EDIL3: variants seen among roughly 807,000 people sequenced by gnomAD.
EDIL3 encodes EGF-like repeat and discoidin I-like domain-containing protein 3.
In EDIL3, 37 loss-of-function variants were observed where a neutral mutation model predicts 67.4. The ratio of observed to expected loss-of-function variants is 0.55; its 90% confidence interval spans 0.42 to 0.72. The LOEUF is 0.72. Ranked by LOEUF, EDIL3 falls within the 30% of genes least tolerant of loss-of-function variation. The pLI is 0.00. For synonymous variants in EDIL3, 195 were observed against 196.3 expected, an observed-to-expected ratio of 0.99 and a Z score of 0.05; for missense variants, 527 against 586.3, an observed-to-expected ratio of 0.90 and a Z score of 1.04.
chr5:84,207,842 A>T (rs1744018121), intron 3 of EDIL3, among the ~76,000 whole-genome samples: 2 of 151,608 alleles, frequency 1.3e-5, no homozygotes, highest in African/African-American at 4.8e-5. Flanking sequence ...CTGGCTAGCC[A>T]TATGTAGAAA....
chr5:84,365,571 T>C (rs1747711845), intron 1 of EDIL3, among the ~76,000 whole-genome samples: 2 of 152,122 alleles, frequency 1.3e-5, no homozygotes, highest in Non-Finnish European at 2.9e-5. Context: ...GACCACCTGA[T>C]GACTTAGGAG....
chr5:84,041,885 T>C (rs1283783470), intron 9 of EDIL3, among the ~76,000 whole-genome samples: 2 of 151,968 alleles, frequency 1.3e-5, no homozygotes, highest in Non-Finnish European at 2.9e-5. Flanking sequence ...ACAGTGCTTT[T>C]TCATGAAATA....
At chr5:84,285,489 C>T (rs116139255) in intron 1 of EDIL3, among the ~76,000 whole-genome samples, 2 of 152,256 alleles carry the variant, frequency 1.3e-5, no homozygotes, top group Non-Finnish European at 2.9e-5. Flanking sequence ...ATGCGTAGCA[C>T]GGTGTCTGGC....
chr5:84,270,111 T>C (rs1745432921), intron 1 of EDIL3, among the ~76,000 whole-genome samples: 1 of 152,242 alleles, frequency 6.6e-6, no homozygotes, highest in Admixed American at 6.5e-5. Flanking sequence ...TATTCTTCAT[T>C]GTGTTTATCT....
At chr5:84,025,685 A>C (rs984033679) in intron 9 of EDIL3, among the ~76,000 whole-genome samples, 1 of 152,194 alleles carries the variant, frequency 6.6e-6, no homozygotes, top group Non-Finnish European at 1.5e-5. Flanking sequence ...CATGCTACTG[A>C]AGTCATGCAC....
At chr5:84,025,453 G>A (rs1745794391) in intron 9 of EDIL3, among the ~76,000 whole-genome samples, 2 of 152,124 alleles carry the variant, frequency 1.3e-5, no homozygotes, top group South Asian at 4.2e-4. Context: ...CAAGCTCAGG[G>A]CTCCCACTGA....
chr5:84,380,543 C>A (rs1473598335), intron 1 of EDIL3, among the ~76,000 whole-genome samples: 1 of 152,198 alleles, frequency 6.6e-6, no homozygotes, highest in East Asian at 1.9e-4. Flanking sequence ...GAACCTATTA[C>A]ATCCTAATCT....
At chr5:83,947,106 C>G (rs978344123) in intron 10 of EDIL3, among the ~76,000 whole-genome samples, 1 of 151,776 alleles carries the variant, frequency 6.6e-6, no homozygotes, top group Non-Finnish European at 1.5e-5. Flanking sequence ...TTGTTGCCCC[C>G]TTATAGATTT....
At chr5:84,120,338 G>A (rs1010128016) in intron 5 of EDIL3, among the ~76,000 whole-genome samples, 1 of 151,876 alleles carries the variant, frequency 6.6e-6, no homozygotes, top group Non-Finnish European at 1.5e-5. Context: ...TAATATATTT[G>A]CATCTTCCTT....
intron 4 of EDIL3, among the ~76,000 whole-genome samples, chr5:84,162,411 C>G (rs1422566945): frequency 6.6e-6 from 1 of 152,088 alleles, no homozygotes; most frequent in Admixed American, 6.6e-5. Context: ...ATCCTCCATT[C>G]TCTAGTTTCT....
In EDIL3 at chr5:84,117,020, ATTTTTTTTTT is replaced by A. The variant is rs34997139; in HGVS notation, c.470-10200_470-10191del. Among the ~76,000 whole-genome samples the A allele has an allele frequency of 2.4e-5, 2 of 83,236 alleles. 1 individual carries two copies. Among genetic ancestry groups the A allele is most frequent in the African/African-American group, 9.3e-5 (2 of 21,436 alleles). The allele number at this position is 83,236 out of a possible 152,430, so 54.6% of individuals were successfully genotyped here. A position where few individuals can be genotyped will look rare whatever the true frequency, so the allele number is the denominator to read the frequency against. Reference sequence around the variant, plus strand: ...TATGTAGTATCCAAGTTAAGTACTTATTTTTTTTTTTTTTTTTTTTTTTTTGAGACGGAGT... The same window carrying A: ...TATGTAGTATCCAAGTTAAGTACTTATTTTTTTTTTTTTTTGAGACGGAGT... On this transcript the variant is annotated intron_variant, in intron 5 of 10. Coordinates refer to ENST00000296591, the MANE Select transcript of EDIL3 (RefSeq NM_005711.5).
chr5:84,303,165 C>G (rs1460626253), intron 1 of EDIL3, among the ~76,000 whole-genome samples: 1 of 152,190 alleles, frequency 6.6e-6, no homozygotes, highest in African/African-American at 2.4e-5. Context: ...TCTCTGCTTT[C>G]TTTCTTAGCT....
At chr5:84,271,741 A>G (rs1366492034) in intron 1 of EDIL3, among the ~76,000 whole-genome samples, 1 of 152,206 alleles carries the variant, frequency 6.6e-6, no homozygotes, top group Admixed American at 6.5e-5. Context: ...GCTACAATCC[A>G]ATACCATTAG....
At chr5:84,217,665 A>G (rs549737177) in intron 3 of EDIL3, among the ~76,000 whole-genome samples, 105 of 151,612 alleles carry the variant, frequency 6.9e-4, no homozygotes, top group Non-Finnish European at 1.2e-3. Flanking sequence ...ACTCAAAATC[A>G]CATAAGCCAA....
At chr5:84,345,753 A>G (rs1175797723) in intron 1 of EDIL3, among the ~76,000 whole-genome samples, 1 of 152,220 alleles carries the variant, frequency 6.6e-6, no homozygotes, top group African/African-American at 2.4e-5. Flanking sequence ...TAGAAAATTA[A>G]CCAAGCATTT....
chr5:84,147,552 A>G (rs1748310826), intron 4 of EDIL3, among the ~76,000 whole-genome samples: 1 of 152,164 alleles, frequency 6.6e-6, no homozygotes, highest in Non-Finnish European at 1.5e-5. Context: ...TACAAACTAT[A>G]TGAAACTTGC....
intron 4 of EDIL3, among the ~76,000 whole-genome samples, chr5:84,166,674 G>A (rs370567626): frequency 6.6e-6 from 1 of 152,214 alleles, no homozygotes; most frequent in African/African-American, 2.4e-5. Flanking sequence ...AGAAAATAAA[G>A]ATGAGTAAAA....
intron 9 of EDIL3, among the ~76,000 whole-genome samples, chr5:83,965,659 G>C (rs1744677910): frequency 6.6e-6 from 1 of 152,014 alleles, no homozygotes; most frequent in African/African-American, 2.4e-5. Flanking sequence ...TTAAAAGTCA[G>C]CTGGGTTTCC....
At chr5:84,302,707 TG>T (rs1398435085) in intron 1 of EDIL3, among the ~76,000 whole-genome samples, 1 of 152,218 alleles carries the variant, frequency 6.6e-6, no homozygotes, top group African/African-American at 2.4e-5. Flanking sequence ...AAGTACTTCC[TG>T]TATTATCTAT....
Sources: allele counts gnomAD v4.1 joint callset (sites outside exome capture counted in the v4.1 genomes callset), GRCh38; gene constraint gnomAD v4.1.1; transcripts MANE v1.5; gene names NCBI Gene and HGNC (gene_info 2026-07-23, HGNC 2026-07-21).